FHAD1: variants seen among roughly 807,000 people sequenced by gnomAD.
FHAD1 encodes forkhead associated phosphopeptide binding domain 1.
In FHAD1, 146 loss-of-function variants were observed where a neutral mutation model predicts 191.3. The ratio of observed to expected loss-of-function variants is 0.76; its 90% CI spans 0.67 to 0.88. The LOEUF (loss-of-function observed/expected upper bound fraction) is 0.88. Ranked by LOEUF, FHAD1 falls within the 40% of genes least tolerant of loss-of-function variation. The pLI is 0.00. For synonymous variants in FHAD1, 616 were observed against 672.3 expected, an observed-to-expected ratio of 0.92 and a Z score of 1.29; for missense variants, 1,635 against 1,785.8, an observed-to-expected ratio of 0.92 and a Z score of 1.52.
rs185126675 is a variant in FHAD1, at chr1:15,396,127, T to C, written c.4324-1170T>C. Among the ~76,000 whole-genome samples the C allele has an allele frequency of 3.3e-3, 508 of 151,910 alleles. 1 individual carries two copies. The highest frequency in any genetic ancestry group is 0.012 in the African/African-American group (492 of 41,408). On this transcript the variant is annotated intron_variant, in intron 33 of 33. Transcript: ENST00000688493. ...GAACTCGAGACCAGCCTGGGCAACA[T>C]GGCAAAACCTCATCTCTACAAAAAG... is the stretch of plus-strand genomic sequence containing the variant.
intron 2 of FHAD1, among the ~76,000 whole-genome samples, chr1:15,254,936 T>C (rs1266719510): frequency 6.6e-6 from 1 of 152,138 alleles, no homozygotes; most frequent in African/African-American, 2.4e-5. Flanking sequence ...TTTCAGAAAA[T>C]ATTTTATAAG....
intron 2 of FHAD1, among the ~76,000 whole-genome samples, chr1:15,260,517 T>G (rs967863779): frequency 6.6e-6 from 1 of 152,218 alleles, no homozygotes; most frequent in African/African-American, 2.4e-5. Context: ...GGCTCTTGGC[T>G]GGAGGCTCCA....
In FHAD1 at chr1:15,374,714, A is replaced by G. The variant is rs1248857709; in HGVS notation, c.3577+83A>G. On this transcript the variant is annotated intron_variant, in intron 27 of 33. Coordinates refer to ENST00000688493, the MANE Select transcript of FHAD1 (RefSeq NM_001391957.1). ...GACTGACCAGTTTGCCAGGACTACC[A>G]TGTTTTATCTGCATCATCCCAGAAC... 7 of 1,499,366 alleles carry G rather than the reference A, an allele frequency of 4.7e-6. No homozygotes were observed. The East Asian group carries it at 1.5e-4, about 32-fold the overall frequency. 92.9% of individuals were successfully genotyped at this position (1,499,366 alleles called of 1,614,324 possible).
intron 16 of FHAD1, among the ~76,000 whole-genome samples, chr1:15,342,306 A>G (rs1344035747): frequency 2.0e-5 from 3 of 152,268 alleles, no homozygotes; most frequent in South Asian, 2.1e-4. Context: ...ATTGCTACTG[A>G]CTTTTCTAGA....
At chr1:15,368,361 G>A (rs1697124804) in intron 25 of FHAD1, among the ~76,000 whole-genome samples, 1 of 152,096 alleles carries the variant, frequency 6.6e-6, no homozygotes, top group African/African-American at 2.4e-5. Context: ...CAGCACATAA[G>A]GGAACTTAAT....
rs1181929483 is a variant in FHAD1 at position 15,311,057 on chromosome 1, G to T, written c.1040-2000G>T. 1.3e-5 allele frequency among the ~76,000 whole-genome samples: 2 copies of T among 152,168 alleles called. No homozygotes were observed. The highest frequency in any genetic ancestry group is 2.9e-5 in the Non-Finnish European group (2 of 68,036). On this transcript the variant is annotated intron_variant, in intron 7 of 33. Coordinates refer to ENST00000688493, the MANE Select transcript of FHAD1 (RefSeq NM_001391957.1). This position sits in a 1 kb window ranked among gnomAD's most constrained non-coding sequence, Gnocchi z 4.1. Reference sequence around the variant, plus strand: ...CCAAGAAGCATGTGACGATGATCTGGGAGGGAGTGGAAACAAACAAGATGA... The same window carrying T: ...CCAAGAAGCATGTGACGATGATCTGTGAGGGAGTGGAAACAAACAAGATGA...
chr1:15,402,708 C>T (rs771756914), downstream of FHAD1, among the ~76,000 whole-genome samples: 64 of 152,156 alleles, frequency 4.2e-4, no homozygotes, highest in Non-Finnish European at 4.4e-5. Flanking sequence ...ATGATGAGCC[C>T]AGACTAGGTA....
intron 6 of FHAD1, among the ~76,000 whole-genome samples, chr1:15,303,797 A>G (rs2100953347): frequency 6.6e-6 from 1 of 151,908 alleles, no homozygotes; most frequent in African/African-American, 2.4e-5. Flanking sequence ...TGTAATGAGC[A>G]GAGATCATGC....
At chr1:15,390,712 C>T (rs987347848) in intron 32 of FHAD1, among the ~76,000 whole-genome samples, 1 of 152,280 alleles carries the variant, frequency 6.6e-6, no homozygotes, top group East Asian at 1.9e-4. Context: ...AAACCAAACC[C>T]CAGGGAAATA....
chr1:15,289,357 C>G lies in FHAD1; in HGVS notation c.301-42C>G. ...TGGGACAAAGAAATGGAGACCATCC[C>G]AGCCGGTCATAACCTCCCCTGACCC... On this transcript the variant is annotated intron_variant, in intron 3 of 33. Transcript: ENST00000688493. The surrounding 1 kb of genome is among the most constrained non-coding windows in gnomAD (Gnocchi z 4.2). 3 of 1,534,404 alleles carry G rather than the reference C, an allele frequency of 2.0e-6. No individual in the cohort carries two copies. Among genetic ancestry groups the G allele is most frequent in the South Asian group, 2.4e-5 (2 of 82,612 alleles).
rs1470892662 is a variant in FHAD1 at position 15,272,410 on chromosome 1, G to A, written c.181G>A (p.Gly61Ser). 14 of 1,551,694 alleles carry A rather than the reference G, an allele frequency of 9.0e-6. No homozygotes were observed. In the East Asian group the frequency reaches 1.7e-4, roughly 19 times the overall value. ...TCTCCAGGACTTCAATTCCCGCAAC[G>A]GCACGTTTGTCAACGAGTGCCACAT... Reference protein sequence around the residue: ...FVLQDFNSRNGTFVNECHIQN... With the variant: ...FVLQDFNSRNSTFVNECHIQN... The change falls in exon 3 of 34, where the codon GGC (glycine) becomes AGC (serine). Residue 61 changes from glycine to serine, a missense_variant. Gly to Ser is a moderately conservative substitution (Grantham distance 56). Coordinates refer to ENST00000688493, the MANE Select transcript of FHAD1 (RefSeq NM_001391957.1).
At position 15,345,168 on chromosome 1, in the gene FHAD1, G is replaced by T. The variant is rs1569868544; in HGVS notation, c.2216G>T (p.Ser739Ile). 2 of 1,551,686 alleles carry T rather than the reference G, an allele frequency of 1.3e-6. No homozygotes were observed. Among genetic ancestry groups the T allele is most frequent in the East Asian group, 2.4e-5 (1 of 40,902 alleles). ...CGGAAGAGAATGCAAGAACTGGAGA[G>T]CCTCCTGGCCCAGCAGAAGAAGGTA... Reference protein sequence around the residue: ...EERKRMQELESLLAQQKKALA... With the variant: ...EERKRMQELEILLAQQKKALA... Residue 739 changes from serine to isoleucine, a missense_variant, in exon 17 of 34, where the codon AGC (serine) becomes ATC (isoleucine). Transcript: ENST00000688493.
rs572836103 is a variant in FHAD1, at chr1:15,392,102, G to A, written c.4323+839G>A. ...GAATTTCAGGCTTAACAGAATGGGG[G>A]CAGATGGTGCTTCGCCTAAGAACAG... On this transcript the variant is annotated intron_variant, in intron 33 of 33. Coordinates refer to ENST00000688493, the MANE Select transcript of FHAD1 (RefSeq NM_001391957.1). Among the ~76,000 whole-genome samples the A allele has an allele frequency of 1.2e-4, 18 of 152,324 alleles. No homozygotes were observed. The East Asian group carries it at 3.1e-3, about 26-fold the overall frequency.
intron 2 of FHAD1, among the ~76,000 whole-genome samples, chr1:15,253,727 T>TA (rs772508374): frequency 3.3e-5 from 5 of 152,258 alleles, no homozygotes; most frequent in Admixed American, 2.0e-4. Context: ...CTTAGGATGT[T>TA]ACCATGTCAT....
intron 2 of FHAD1, among the ~76,000 whole-genome samples, chr1:15,254,686 A>G (rs1647220364): frequency 6.6e-6 from 1 of 152,330 alleles, no homozygotes. Context: ...AGTTCCATTG[A>G]TTTATGAAGG....
chr1:15,317,165 T>G (rs1242974798), intron 9 of FHAD1, among the ~76,000 whole-genome samples: 1 of 152,192 alleles, frequency 6.6e-6, no homozygotes, highest in Non-Finnish European at 1.5e-5. Flanking sequence ...CACTCCAGCC[T>G]GGGCAACAGA....
intron 5 of FHAD1, 138 bp from the exon 6 acceptor site, chr1:15,301,067 C>T (rs1258957326): frequency 9.1e-6 from 6 of 658,942 alleles, no homozygotes; most frequent in South Asian, 3.9e-5. Context: ...TGACCTCAGG[C>T]GATCCACCCA....
chr1:15,397,215 A>C (rs1035036839), intron 33 of FHAD1, 82 bp from the exon 34 acceptor site: 2 of 631,104 alleles, frequency 3.2e-6, no homozygotes, highest in Non-Finnish European at 5.2e-6. Flanking sequence ...AAATAAAATA[A>C]AAAATAACAA....
At chr1:15,323,066 G>C (rs937362271) in intron 10 of FHAD1, among the ~76,000 whole-genome samples, 1 of 152,130 alleles carries the variant, frequency 6.6e-6, no homozygotes, top group Non-Finnish European at 1.5e-5. Flanking sequence ...AGAACAGCAC[G>C]GGAAAGTCCG....
Sources: allele counts gnomAD v4.1 joint callset (sites outside exome capture counted in the v4.1 genomes callset), GRCh38; gene constraint gnomAD v4.1.1; non-coding constraint Gnocchi (gnomAD v3.1); transcripts MANE v1.5; gene names NCBI Gene and HGNC (gene_info 2026-07-23, HGNC 2026-07-21).